PGM1: variants seen among roughly 807,000 people sequenced by gnomAD.
PGM1 encodes the protein phosphoglucomutase-1.
PGM1 carries 52 observed loss-of-function variants against 55.6 expected under a neutral mutation model. The ratio of observed to expected loss-of-function variants is 0.94; its 90% CI spans 0.75 to 1.18. The LOEUF is 1.18. Among genes scored for constraint, PGM1 ranks in the 50% most tolerant of loss-of-function variants. The probability of loss-of-function intolerance (pLI) is 0.00; values close to 1 mark genes in which losing one functional copy is unlikely to be tolerated. For synonymous variants in PGM1, 287 were observed against 271.7 expected (o/e 1.06, Z -0.55); for missense variants, 724 against 729.3 (o/e 0.99, Z 0.08).
chr1:63,600,520 G>C (rs367587962), intron 1 of PGM1, among the ~76,000 whole-genome samples: 1 of 152,102 alleles, frequency 6.6e-6, no homozygotes, highest in Non-Finnish European at 1.5e-5. Flanking sequence ...ACAGAGCTGT[G>C]GGGTTCTCGT....
At chr1:63,601,004 T>C (rs898769635) in intron 1 of PGM1, among the ~76,000 whole-genome samples, 14 of 152,170 alleles carry the variant, frequency 9.2e-5, no homozygotes, top group African/African-American at 3.4e-4. Flanking sequence ...CTAGGTTATA[T>C]ACTGGGGGCT....
At chr1:63,632,728 C>T (rs963444830) in intron 4 of PGM1, among the ~76,000 whole-genome samples, 13 of 152,136 alleles carry the variant, frequency 8.5e-5, no homozygotes, top group African/African-American at 2.9e-4. Flanking sequence ...AAACTAACCC[C>T]GGGGTCGGGC....
chr1:63,628,621 C>G (rs1649103524), intron 1 of PGM1, among the ~76,000 whole-genome samples: 1 of 152,202 alleles, frequency 6.6e-6, no homozygotes, highest in South Asian at 2.1e-4. Context: ...GCACCTCAAC[C>G]TTCTTTTCCA....
At chr1:63,598,066 G>T (rs1648134791) in intron 1 of PGM1, among the ~76,000 whole-genome samples, 1 of 152,110 alleles carries the variant, frequency 6.6e-6, no homozygotes, top group Non-Finnish European at 1.5e-5. Context: ...GTCTCCCCAG[G>T]TTCAGTTGAT....
intron 3 of PGM1, 77 bp from the exon 4 acceptor site, chr1:63,631,580 C>A: frequency 2.2e-6 from 3 of 1,377,852 alleles, no homozygotes; most frequent in South Asian, 1.2e-5. Flanking sequence ...AGGTTTACAG[C>A]AATATAGTCA....
In PGM1 at chr1:63,632,591, T is replaced by C. The variant is rs113194465; in HGVS notation, c.682+809T>C. 1.7e-3 allele frequency among the ~76,000 whole-genome samples: 262 copies of C among 152,346 alleles called. 5 individuals are homozygous for C. Among genetic ancestry groups the C allele is most frequent in the African/African-American group, 6.1e-3 (252 of 41,582 alleles). On this transcript the variant is annotated intron_variant, in intron 4 of 10. Coordinates refer to ENST00000371084, the MANE Select transcript of PGM1 (RefSeq NM_002633.3). ...CCTTACTCAGACAAAAGCGATTCTG[T>C]CATTTTAAACCATTCAACAGATGTG...
intron 4 of PGM1, among the ~76,000 whole-genome samples, chr1:63,633,928 ATATATTTTTTT>A (rs1557433742): frequency 1.6e-4 from 10 of 64,376 alleles, no homozygotes; most frequent in African/African-American, 1.1e-3. Context: ...GTATATATAT[ATATATTTTTTT>A]TTTTTTTTTT....
At chr1:63,617,574 G>A (rs895243448) in intron 1 of PGM1, among the ~76,000 whole-genome samples, 7 of 151,868 alleles carry the variant, frequency 4.6e-5, no homozygotes, top group Admixed American at 4.6e-4. Context: ...GGGCATGGTG[G>A]CACACACCTG....
intron 1 of PGM1, among the ~76,000 whole-genome samples, chr1:63,613,259 CTTTTTTTTTTT>C (rs11377805): frequency 9.3e-6 from 1 of 107,868 alleles, no homozygotes; most frequent in Admixed American, 1.0e-4. Context: ...GTTGGCTTAT[CTTTTTTTTTTT>C]TTTTTTTTTT....
rs1649148929 is a variant in PGM1 at position 63,629,965 on chromosome 1, G to A, written c.433G>A (p.Asp145Asn). The change falls in exon 3 of 11, where the codon GAT becomes AAT. Residue 145 changes from aspartate to asparagine, a missense_variant. Physicochemically the swap from Asp to Asn is conservative, Grantham distance 23 (BLOSUM62 1). Coordinates refer to ENST00000371084, the MANE Select transcript of PGM1 (RefSeq NM_002633.3). The part of the protein sequence containing the change: ...NGGPAPEAIT[D>N]KIFQISKTIE... Reference sequence around the variant, plus strand: ...AGGTCCTGCTCCAGAAGCAATAACTGATAAAATTTTCCAAATCAGCAAGAC... The same window carrying A: ...AGGTCCTGCTCCAGAAGCAATAACTAATAAAATTTTCCAAATCAGCAAGAC... 6.2e-7 allele frequency: 1 copy of A among 1,614,054 alleles called. No individual in the cohort carries two copies. Among genetic ancestry groups the A allele is most frequent in the South Asian group, 1.1e-5 (1 of 91,082 alleles).
At chr1:63,594,040 T>C in intron 1 of PGM1, 1 of 1,090,216 alleles carries the variant, frequency 9.2e-7, no homozygotes, top group Non-Finnish European at 1.1e-6. Flanking sequence ...CTGCCTTCCC[T>C]CTCCCCGTCC....
At chr1:63,620,887 C>T (rs1217657122) in intron 1 of PGM1, among the ~76,000 whole-genome samples, 5 of 152,284 alleles carry the variant, frequency 3.3e-5, no homozygotes, top group Admixed American at 6.5e-5. Flanking sequence ...AAATTGGGTT[C>T]GCTATGCTCG....
chr1:63,635,532 G>A (rs1452146237), intron 5 of PGM1, among the ~76,000 whole-genome samples: 1 of 152,154 alleles, frequency 6.6e-6, no homozygotes, highest in Non-Finnish European at 1.5e-5. Flanking sequence ...TTATTTACAA[G>A]GGTGACTATG....
chr1:63,618,626 A>T (rs1343471831), intron 1 of PGM1, among the ~76,000 whole-genome samples: 1 of 152,200 alleles, frequency 6.6e-6, no homozygotes, highest in African/African-American at 2.4e-5. Flanking sequence ...TTAAGAGAGT[A>T]TGTTTTAAAA....
chr1:63,624,221 T>C (rs1017605371), intron 1 of PGM1, among the ~76,000 whole-genome samples: 20 of 150,278 alleles, frequency 1.3e-4, no homozygotes, highest in African/African-American at 4.4e-4. Context: ...TGCTGTTGTT[T>C]ATGGATCCTG....
chr1:63,640,748 GTCCT>G (rs1308101585), intron 7 of PGM1, among the ~76,000 whole-genome samples: 1 of 152,076 alleles, frequency 6.6e-6, no homozygotes, highest in Non-Finnish European at 1.5e-5. Context: ...CAGCTCTCAG[GTCCT>G]TCCTTCTTCA....
At chr1:63,633,932 A>ATTT (rs60609353) in intron 4 of PGM1, among the ~76,000 whole-genome samples, 42 of 35,346 alleles carry the variant, frequency 1.2e-3, no homozygotes, top group African/African-American at 5.6e-3. Context: ...ATATATATAT[A>ATTT]TTTTTTTTTT....
At chr1:63,636,062 A>G (rs187577098) in intron 5 of PGM1, among the ~76,000 whole-genome samples, 172 bp from the exon 6 acceptor site, 117 of 152,370 alleles carry the variant, frequency 7.7e-4, no homozygotes, top group Non-Finnish European at 7.6e-4. Context: ...CTTCGGCCCA[A>G]TGGTACTGTA....
intron 1 of PGM1, among the ~76,000 whole-genome samples, chr1:63,610,337 T>A (rs1648532285): frequency 6.6e-6 from 1 of 152,136 alleles, no homozygotes; most frequent in Admixed American, 6.5e-5. Context: ...TTCGTCTAGT[T>A]CTCTCAAAGT....
Sources: allele counts gnomAD v4.1 joint callset (sites outside exome capture counted in the v4.1 genomes callset), GRCh38; gene constraint gnomAD v4.1.1; transcripts MANE v1.5; gene names NCBI Gene and HGNC (gene_info 2026-07-23, HGNC 2026-07-21).